HEPH: variants seen among roughly 807,000 people sequenced by gnomAD.
HEPH encodes the protein hephaestin.
Under a neutral mutation model 80.8 loss-of-function variants are expected in HEPH, and 69 were observed. The ratio of observed to expected loss-of-function variants is 0.85; its 90% CI spans 0.70 to 1.04. The LOEUF (loss-of-function observed/expected upper bound fraction) is 1.04. Among genes scored for constraint, HEPH ranks in the 50% least tolerant of loss-of-function variants. HEPH has a pLI of 0.00. For missense variants in HEPH, 1,115 were observed against 891.3 expected, an observed-to-expected ratio of 1.25 and a Z score of -3.20; for synonymous variants, 431 against 322.8, an observed-to-expected ratio of 1.34 and a Z score of -3.60.
At position 66,173,528 on chromosome X, in the gene HEPH, T is replaced by C; in HGVS notation, c.413-61T>C. On this transcript the variant is annotated intron_variant, in intron 3 of 20. Transcript: ENST00000343002. ...TCTACATGTCAGCTCTGTCTTAATT[T>C]ATGTATTTGCCACGGTCCCTCACTT... 5 of 850,816 alleles carry C rather than the reference T, an allele frequency of 5.9e-6. No homozygotes were observed. In the South Asian group the frequency reaches 1.2e-4, roughly 20 times the overall value. The allele number at this position is 850,816 out of a possible 1,213,427, so 70.1% of individuals were successfully genotyped here. A position where few individuals can be genotyped will look rare whatever the true frequency, so the allele number is the denominator to read the frequency against.
Position 66,266,781 on chromosome X carries a change from C to A in HEPH, c.*109C>A. On this transcript the variant is annotated 3_prime_UTR_variant, in exon 21 of 21. Transcript: ENST00000343002. ...CAAAGGGGCATGGGTGGTGGAGAAG[C>A]AGAAGGAGCAATCAAGCTTATCTGG... 1 of 469,435 alleles carries A rather than the reference C, an allele frequency of 2.1e-6. No individual in the cohort carries two copies. Among genetic ancestry groups the A allele is most frequent in the South Asian group, 3.5e-5 (1 of 28,970 alleles). 38.7% of individuals were successfully genotyped at this position (469,435 alleles called of 1,213,427 possible). A position where few individuals can be genotyped will look rare whatever the true frequency, so the allele number is the denominator to read the frequency against.
chrX:66,223,173 AGTG>A, intron 15 of HEPH, among the ~76,000 whole-genome samples: 1 of 111,484 alleles, frequency 9.0e-6, no homozygotes, highest in South Asian at 3.9e-4. Flanking sequence ...TGGAAATTCT[AGTG>A]GTGGTACCTG....
intron 15 of HEPH, among the ~76,000 whole-genome samples, chrX:66,251,741 G>A (rs966348400): frequency 1.8e-5 from 2 of 111,466 alleles, no homozygotes; most frequent in African/African-American, 6.5e-5. Flanking sequence ...CTTGAGACAG[G>A]AATGATCTCA....
intron 6 of HEPH, 42 bp from the exon 7 acceptor site, chrX:66,192,088 C>T (rs185084273): frequency 4.3e-6 from 5 of 1,159,911 alleles, no homozygotes; most frequent in East Asian, 6.1e-5. Context: ...GGTTAAAATC[C>T]TATTGGATAG....
intron 15 of HEPH, among the ~76,000 whole-genome samples, chrX:66,219,710 C>A (rs2089555657): frequency 9.0e-6 from 1 of 111,565 alleles, no homozygotes; most frequent in Non-Finnish European, 1.9e-5. Context: ...TTGTGGGAAG[C>A]ACAGACAGGG....
chrX:66,246,481 G>A (rs927162134), intron 15 of HEPH, among the ~76,000 whole-genome samples: 1 of 111,253 alleles, frequency 9.0e-6, no homozygotes, highest in African/African-American at 3.3e-5. Flanking sequence ...TGTGGTGTCA[G>A]TGCTGGTCTA....
intron 11 of HEPH, 179 bp from the exon 12 acceptor site, chrX:66,200,361 G>A (rs899587831): frequency 1.1e-4 from 48 of 438,577 alleles, no homozygotes; most frequent in Non-Finnish European, 1.6e-4. Flanking sequence ...TCATCCCAAA[G>A]ACAGAGATAT....
At chrX:66,235,404 C>G (rs971521659) in intron 15 of HEPH, among the ~76,000 whole-genome samples, 1 of 111,915 alleles carries the variant, frequency 8.9e-6, no homozygotes, top group African/African-American at 3.2e-5. Context: ...CAGTTTCAGT[C>G]TTCTGCATAT....
At chrX:66,207,425 A>T in intron 14 of HEPH, 91 bp downstream of exon 14, 1 of 639,405 alleles carries the variant, frequency 1.6e-6, no homozygotes, top group Non-Finnish European at 2.2e-6. Context: ...ACTATTCCCC[A>T]TTCTCAATGT....
At chrX:66,177,814 G>A (rs937228830) in intron 4 of HEPH, among the ~76,000 whole-genome samples, 5 of 111,033 alleles carry the variant, frequency 4.5e-5, no homozygotes, top group African/African-American at 1.6e-4. Flanking sequence ...ACCTTAGAAT[G>A]TCAGTTTGCA....
Position 66,260,267 on chromosome X carries a change from G to T in HEPH, c.3199+5G>T, listed in dbSNP as rs192627102. ...TCACTGTTTTTTCTCGAACAGGTAA[G>T]TCCTAACTTCCCCAAAATGATCATC... On this transcript the variant is annotated splice_donor_5th_base_variant and intron_variant, in intron 19 of 20. Transcript: ENST00000343002. 2.6e-4 allele frequency: 305 copies of T among 1,192,023 alleles called. No individual in the cohort carries two copies. In the African/African-American group the frequency reaches 4.5e-3, roughly 17 times the overall value.
chrX:66,173,953 C>T (rs1169334585), intron 4 of HEPH, 152 bp downstream of exon 4: 7 of 351,579 alleles, frequency 2.0e-5, no homozygotes, highest in Non-Finnish European at 2.7e-5. Context: ...GCTAAACTCA[C>T]TTTGCACTAT....
chrX:66,200,791 G>A, intron 12 of HEPH, 39 bp downstream of exon 12: 4 of 1,076,176 alleles, frequency 3.7e-6, no homozygotes, highest in South Asian at 3.9e-5. Context: ...GCTTTGTTGG[G>A]TATAGGGCCA....
At chrX:66,238,100 G>A (rs2090431938) in intron 15 of HEPH, among the ~76,000 whole-genome samples, 1 of 111,674 alleles carries the variant, frequency 9.0e-6, no homozygotes, top group South Asian at 3.7e-4. Flanking sequence ...TTAAATGGGG[G>A]CCTTTAGCCC....
intron 15 of HEPH, among the ~76,000 whole-genome samples, chrX:66,214,182 G>A (rs2089284632): frequency 8.9e-6 from 1 of 111,778 alleles, no homozygotes; most frequent in African/African-American, 3.2e-5. Context: ...ATATGGATGA[G>A]ATCACTCAAG....
At position 66,208,104 on chromosome X, in the gene HEPH, G is replaced by A; in HGVS notation, c.2432-11G>A. The A allele has an allele frequency of 2.6e-6, 3 of 1,147,073 alleles. No homozygotes were observed. The South Asian group carries it at 5.9e-5, about 23-fold the overall frequency. The allele number at this position is 1,147,073 out of a possible 1,213,427, so 94.5% of individuals were successfully genotyped here. A position where few individuals can be genotyped will look rare whatever the true frequency, so the allele number is the denominator to read the frequency against. ...AAACTTTATTTATTTAATTATTTTT[G>A]TTTACATTAGGTCCACTTATCAAAG... On this transcript the variant is annotated splice_polypyrimidine_tract_variant and intron_variant, in intron 14 of 20. Transcript: ENST00000343002.
Position 66,199,041 on chromosome X carries a change from C to A in HEPH, c.1864+13C>A, listed in dbSNP as rs758453237. The A allele has an allele frequency of 7.5e-6, 9 of 1,201,062 alleles. No homozygotes were observed. The highest frequency in any genetic ancestry group is 1.0e-5 in the Non-Finnish European group (9 of 887,669). On this transcript the variant is annotated intron_variant, in intron 11 of 20. Coordinates refer to ENST00000343002, the MANE Select transcript of HEPH (RefSeq NM_001367233.3). Reference sequence around the variant, plus strand: ...AATCGGATGCATGGTATGGGGAGTACTTTTGCCCTGGGCTAAATTGAGGGT... The same window carrying A: ...AATCGGATGCATGGTATGGGGAGTAATTTTGCCCTGGGCTAAATTGAGGGT...
At chrX:66,248,032 A>T (rs908969240) in intron 15 of HEPH, among the ~76,000 whole-genome samples, 2 of 110,762 alleles carry the variant, frequency 1.8e-5, no homozygotes, top group Non-Finnish European at 3.8e-5. Context: ...TCTCTCATTA[A>T]ATATTAATTC....
At chrX:66,202,546 G>T (rs1451859558) in intron 12 of HEPH, among the ~76,000 whole-genome samples, 1 of 111,539 alleles carries the variant, frequency 9.0e-6, no homozygotes, top group Non-Finnish European at 1.9e-5. Context: ...ATTTAAGACT[G>T]TTACCTGCAC....
Sources: gnomAD v4.1 joint callset for allele counts (sites outside exome capture counted in the v4.1 genomes callset) on GRCh38, gnomAD v4.1.1 for gene constraint, MANE v1.5 for transcripts, NCBI Gene and HGNC (gene_info 2026-07-23, HGNC 2026-07-21) for gene names.